FRY: variants seen among roughly 807,000 people sequenced by gnomAD.
FRY encodes protein furry homolog.
Under a neutral mutation model 348.4 loss-of-function variants are expected in FRY, and 128 were observed. That is an observed-to-expected ratio of 0.37 (90% CI 0.32 to 0.43). The LOEUF (loss-of-function observed/expected upper bound fraction) is 0.43. Ranked by LOEUF, FRY falls within the 20% of genes least tolerant of loss-of-function variation. The pLI is 1.00. For synonymous variants in FRY, 1,370 were observed against 1,374.7 expected (o/e 1.00, Z 0.08); for missense variants, 2,736 against 3,695.2 (o/e 0.74, Z 6.73).
chr13:32,228,915 A>T (rs920640191), intron 40 of FRY, among the ~76,000 whole-genome samples: 1 of 152,212 alleles, frequency 6.6e-6, no homozygotes, highest in Non-Finnish European at 1.5e-5. Context: ...GTGGATAATG[A>T]TGATGCAGCA....
intron 19 of FRY, among the ~76,000 whole-genome samples, chr13:32,175,148 A>G (rs999026804): frequency 2.0e-5 from 3 of 152,242 alleles, no homozygotes; most frequent in Non-Finnish European, 4.4e-5. Context: ...TAACAGATCA[A>G]TGACTTAAAA....
At chr13:32,247,559 G>A (rs1886872937) in intron 48 of FRY, 57 bp downstream of exon 48, 2 of 1,309,626 alleles carry the variant, frequency 1.5e-6, no homozygotes, top group Admixed American at 1.7e-5. Flanking sequence ...TAGTAGCAAA[G>A]ATCAAAAGTA....
chr13:32,179,009 T>A lies in FRY; in HGVS notation c.2847T>A (p.Asp949Glu). The change falls in exon 22 of 61, where the codon GAT becomes GAA. Residue 949 changes from aspartate to glutamate, a missense_variant. Asp to Glu is a conservative substitution (Grantham distance 45). Coordinates refer to ENST00000542859, the MANE Select transcript of FRY (RefSeq NM_023037.3). ...CAGAAATAATGGCGACCACACCTGA[T>A]GGTACAGTGAGCTACGATAACAAGG... ...STPEIMATTP[D>E]GTVSYDNKAI... is the part of the protein sequence containing the mutation. 1 of 1,613,680 alleles carries A rather than the reference T, an allele frequency of 6.2e-7. No homozygotes were observed. The highest frequency in any genetic ancestry group is 8.5e-7 in the Non-Finnish European group (1 of 1,179,630).
chr13:32,148,387 T>G (rs1397343425), intron 13 of FRY, among the ~76,000 whole-genome samples: 1 of 152,252 alleles, frequency 6.6e-6, no homozygotes, highest in Non-Finnish European at 1.5e-5. Flanking sequence ...GAAAAAGAAT[T>G]TAATAGGAAT....
chr13:32,184,405 A>G (rs1882896413), intron 24 of FRY, among the ~76,000 whole-genome samples, 195 bp from the exon 25 acceptor site: 1 of 152,016 alleles, frequency 6.6e-6, no homozygotes, highest in African/African-American at 2.4e-5. Context: ...CCCACTTATG[A>G]TGTTTTTTTT....
intron 1 of FRY, among the ~76,000 whole-genome samples, chr13:32,065,720 C>T (rs1369522791): frequency 2.6e-5 from 4 of 152,146 alleles, no homozygotes; most frequent in Non-Finnish European, 5.9e-5. Flanking sequence ...CCCGTCTCAG[C>T]CTCCCAGTAG....
chr13:32,230,167 C>T (rs1480286111), intron 40 of FRY, among the ~76,000 whole-genome samples: 1 of 152,122 alleles, frequency 6.6e-6, no homozygotes, highest in African/African-American at 2.4e-5. Context: ...TTTCACCAGC[C>T]AGATGTTAAG....
rs77966170 is a variant in FRY at position 32,233,957 on chromosome 13, T to G, written c.5528-617T>G. On this transcript the variant is annotated intron_variant, in intron 41 of 60. Transcript: ENST00000542859. ...GTTCCAAAGCCTTTTTCTACTACAC[T>G]ATACCTCCCTAAGATTTATTCAGAA... Among the ~76,000 whole-genome samples the G allele has an allele frequency of 2.8e-3, 422 of 152,204 alleles. 2 individuals are homozygous for G. Among genetic ancestry groups the G allele is most frequent in the African/African-American group, 9.6e-3 (397 of 41,530 alleles).
At chr13:32,042,463 G>A (rs1462481186) in intron 1 of FRY, among the ~76,000 whole-genome samples, 1 of 124,310 alleles carries the variant, frequency 8.0e-6, no homozygotes, top group African/African-American at 3.5e-5. Context: ...AAAGAGTAAA[G>A]ACTGTTAATT....
intron 14 of FRY, among the ~76,000 whole-genome samples, chr13:32,153,566 T>C (rs1222796234): frequency 6.6e-6 from 1 of 152,192 alleles, no homozygotes; most frequent in Non-Finnish European, 1.5e-5. Flanking sequence ...GGGGACTTTC[T>C]GGACATGGTG....
At chr13:32,087,399 C>T (rs1875951854) in intron 2 of FRY, among the ~76,000 whole-genome samples, 1 of 152,198 alleles carries the variant, frequency 6.6e-6, no homozygotes, top group Non-Finnish European at 1.5e-5. Context: ...TGTTACAAAG[C>T]TGGCATCAGG....
intron 7 of FRY, among the ~76,000 whole-genome samples, chr13:32,130,280 A>G (rs1879271086): frequency 6.6e-6 from 1 of 152,000 alleles, no homozygotes; most frequent in South Asian, 2.1e-4. Context: ...ACCTCAGGTA[A>G]TCCACCCACT....
chr13:32,165,747 A>G (rs1408696818), intron 17 of FRY, among the ~76,000 whole-genome samples: 2 of 152,218 alleles, frequency 1.3e-5, no homozygotes, highest in Admixed American at 6.5e-5. Flanking sequence ...ATCTCTGTAC[A>G]AGAACATTAT....
intron 24 of FRY, among the ~76,000 whole-genome samples, 172 bp downstream of exon 24, chr13:32,183,206 G>T (rs1294634966): frequency 6.6e-6 from 1 of 151,854 alleles, no homozygotes; most frequent in East Asian, 1.9e-4. Flanking sequence ...TCATTATTTA[G>T]TATAAAATGG....
intron 7 of FRY, among the ~76,000 whole-genome samples, chr13:32,125,357 A>G (rs1399976959): frequency 6.6e-6 from 1 of 152,220 alleles, no homozygotes; most frequent in Non-Finnish European, 1.5e-5. Flanking sequence ...TGCTAAATTT[A>G]TCTGGCCCCA....
chr13:32,241,450 G>A (rs1886496035), intron 46 of FRY, among the ~76,000 whole-genome samples: 2 of 152,210 alleles, frequency 1.3e-5, no homozygotes, highest in Admixed American at 6.5e-5. Flanking sequence ...CAGAGATTAA[G>A]CACATTTATA....
Position 32,267,197 on chromosome 13 carries a change from T to C in FRY, c.7974T>C (p.Ser2658=). 6.2e-7 allele frequency: 1 copy of C among 1,612,154 alleles called. No individual in the cohort carries two copies. The change falls in exon 55 of 61, where the codon TCT becomes TCC. Residue 2658 remains serine, a synonymous_variant. Transcript: ENST00000542859. ...TTGGAGAAGGTGACAGGGGAGTCTC[T>C]CCCCCTCCCTCGCCCTTCTTCTCAG... ...ASFGEGDRGV[S]PPPSPFFSAI...
intron 36 of FRY, 23 bp from the exon 37 acceptor site, chr13:32,224,212 C>T: frequency 6.2e-7 from 1 of 1,610,198 alleles, no homozygotes; most frequent in Non-Finnish European, 8.5e-7. Flanking sequence ...AAATAAAGCA[C>T]AGTTGTCTTT....
At position 32,135,476 on chromosome 13, in the gene FRY, C is replaced by A. The variant is rs111369773; in HGVS notation, c.1077+293C>A. The stretch of plus-strand genomic sequence containing the variant: ...TGATTTTTATTTTAATTTCTGAGAA[C>A]TTTTTTCCAATCTGAAGGCTAAAGT... On this transcript the variant is annotated intron_variant, in intron 10 of 60. Coordinates refer to ENST00000542859, the MANE Select transcript of FRY (RefSeq NM_023037.3). Among the ~76,000 whole-genome samples the A allele has an allele frequency of 3.9e-3, 592 of 152,254 alleles. 1 individual carries two copies. Among genetic ancestry groups the A allele is most frequent in the African/African-American group, 0.014 (566 of 41,548 alleles).
Sources: gnomAD v4.1 joint callset for allele counts (sites outside exome capture counted in the v4.1 genomes callset) on GRCh38, gnomAD v4.1.1 for gene constraint, MANE v1.5 for transcripts, NCBI Gene and HGNC (gene_info 2026-07-23, HGNC 2026-07-21) for gene names.